The following STK3 variants were observed in gnomAD, a reference collection of about 807,000 sequenced individuals.
STK3 encodes the protein serine/threonine kinase 3.
STK3 carries 41 observed loss-of-function variants against 58.0 expected under a neutral mutation model. The ratio of observed to expected loss-of-function variants is 0.71; its 90% CI spans 0.55 to 0.92. The LOEUF (loss-of-function observed/expected upper bound fraction) is 0.92, where lower values mean the gene tolerates loss of function less well. Among genes scored for constraint, STK3 ranks in the 40% least tolerant of loss-of-function variants. STK3 has a pLI of 0.00. For missense variants in STK3, 479 were observed against 602.7 expected, an observed-to-expected ratio of 0.79 and a Z score of 2.15; for synonymous variants, 170 against 191.0, an observed-to-expected ratio of 0.89 and a Z score of 0.91.
intron 1 of STK3, among the ~76,000 whole-genome samples, chr8:98,791,410 A>T (rs1832794286): frequency 6.6e-6 from 1 of 152,160 alleles, no homozygotes; most frequent in South Asian, 2.1e-4. Flanking sequence ...GCAATCTACA[A>T]ATTCAATGCA....
At chr8:98,837,363 CAAA>C (rs533620773) in intron 3 of STK3, among the ~76,000 whole-genome samples, 4 of 63,274 alleles carry the variant, frequency 6.3e-5, no homozygotes, top group Admixed American at 3.4e-4. Flanking sequence ...TGGAGCTCAG[CAAA>C]AAAAAAAAAA....
chr8:98,903,104 G>C (rs989934398), intron 1 of STK3, among the ~76,000 whole-genome samples: 1 of 152,134 alleles, frequency 6.6e-6, no homozygotes, highest in Non-Finnish European at 1.5e-5. Context: ...TAGCCATGCG[G>C]GTCTCCTTTC....
At chr8:98,633,502 G>T in intron 6 of STK3, 1 of 650,664 alleles carries the variant, frequency 1.5e-6, no homozygotes, top group Non-Finnish European at 2.8e-6. Context: ...CGGTGGCGTT[G>T]GCTTTGCCAG....
intron 2 of STK3, among the ~76,000 whole-genome samples, chr8:98,372,581 T>C (rs1398760020): frequency 6.6e-6 from 1 of 151,238 alleles, no homozygotes; most frequent in Non-Finnish European, 1.5e-5. Flanking sequence ...TGAACATCCT[T>C]CACTGACGTG....
chr8:98,941,129 G>A (rs1043475076), intron 1 of STK3, among the ~76,000 whole-genome samples: 1 of 152,206 alleles, frequency 6.6e-6, no homozygotes, highest in African/African-American at 2.4e-5. Context: ...TCCAGGGGGC[G>A]CTGCGGCCCT....
At chr8:98,839,069 C>T (rs1319903432) in intron 3 of STK3, among the ~76,000 whole-genome samples, 2 of 149,714 alleles carry the variant, frequency 1.3e-5, no homozygotes, top group Admixed American at 6.7e-5. Flanking sequence ...CGGTTTGAGA[C>T]AAGGTCTCAC....
At chr8:98,584,595 G>A (rs1378357892) in intron 7 of STK3, among the ~76,000 whole-genome samples, 12 of 146,438 alleles carry the variant, frequency 8.2e-5, no homozygotes, top group South Asian at 6.5e-4. Flanking sequence ...ATGATTTATA[G>A]TCCTTTGGGT....
At chr8:98,835,735 T>C (rs1013850311) in intron 3 of STK3, among the ~76,000 whole-genome samples, 6 of 152,238 alleles carry the variant, frequency 3.9e-5, no homozygotes, top group Admixed American at 3.9e-4. Context: ...GTAACTTCTC[T>C]GCCATTCAGT....
At chr8:98,914,846 A>G (rs2131990552) in intron 1 of STK3, among the ~76,000 whole-genome samples, 1 of 152,358 alleles carries the variant, frequency 6.6e-6, no homozygotes, top group South Asian at 2.1e-4. Context: ...AGGCAAATAC[A>G]TCTTTCACTA....
At chr8:98,670,233 G>A (rs1279935544) in intron 6 of STK3, among the ~76,000 whole-genome samples, 1 of 152,104 alleles carries the variant, frequency 6.6e-6, no homozygotes, top group Non-Finnish European at 1.5e-5. Flanking sequence ...GCTAGGCGTG[G>A]TGGTGTGTGC....
chr8:98,625,255 T>C (rs374846770), intron 6 of STK3, among the ~76,000 whole-genome samples: 2 of 152,266 alleles, frequency 1.3e-5, no homozygotes, highest in African/African-American at 4.8e-5. Context: ...GTTTCTCCTT[T>C]ATTCCACTTC....
At chr8:98,411,695 T>C (rs1013910844) in intron 3 of STK3, among the ~76,000 whole-genome samples, 3 of 152,238 alleles carry the variant, frequency 2.0e-5, no homozygotes, top group Admixed American at 2.0e-4. Context: ...AAATTTAATG[T>C]ACCCAGGGGG....
chr8:98,349,976 T>G, the STK3 span, among the ~76,000 whole-genome samples: 290 of 152,330 alleles, frequency 1.9e-3, 2 homozygotes, highest in African/African-American at 6.4e-3. Context: ...GGTTGACATT[T>G]GATTCCATGT....
At chr8:98,869,089 A>G (rs1179525032) in intron 3 of STK3, among the ~76,000 whole-genome samples, 71 of 143,106 alleles carry the variant, frequency 5.0e-4, no homozygotes, top group African/African-American at 2.0e-3. Flanking sequence ...GAAGGAGAGA[A>G]AGAGAAAATA....
intron 3 of STK3, among the ~76,000 whole-genome samples, chr8:98,411,886 C>T (rs1185596864): frequency 6.6e-6 from 1 of 152,176 alleles, no homozygotes; most frequent in Non-Finnish European, 1.5e-5. Context: ...CAGCAGCCCC[C>T]AAACCACCCC....
intron 2 of STK3, 37 bp downstream of exon 2, chr8:98,774,702 G>T: frequency 7.1e-7 from 1 of 1,403,880 alleles, no homozygotes; most frequent in Admixed American, 2.3e-5. Context: ...AAATTGTTCT[G>T]AAATTATTTA....
chr8:98,459,186 C>T (rs1819740531), intron 10 of STK3, among the ~76,000 whole-genome samples: 1 of 152,320 alleles, frequency 6.6e-6, no homozygotes, highest in Admixed American at 6.5e-5. Context: ...GAGAAACTCA[C>T]TGGCAACTGG....
At chr8:98,706,233 G>T (rs938627514) in intron 6 of STK3, among the ~76,000 whole-genome samples, 2 of 152,152 alleles carry the variant, frequency 1.3e-5, no homozygotes, top group Non-Finnish European at 2.9e-5. Context: ...GTATATTTTT[G>T]GGGGAGGAGA....
chr8:98,586,425 C>T (rs1415503454), intron 7 of STK3, among the ~76,000 whole-genome samples: 154 of 150,674 alleles, frequency 1.0e-3, no homozygotes, highest in African/African-American at 3.4e-3. Flanking sequence ...ATTGAACCAG[C>T]CTTGCATCCC....
Sources: allele counts gnomAD v4.1 joint callset (sites outside exome capture counted in the v4.1 genomes callset), GRCh38; gene constraint gnomAD v4.1.1; transcripts MANE v1.5; gene names NCBI Gene and HGNC (gene_info 2026-07-23, HGNC 2026-07-21).